CDH13: variants seen among roughly 807,000 people sequenced by gnomAD.
The protein encoded by CDH13 is cadherin-13.
Under a neutral mutation model 63.8 loss-of-function variants are expected in CDH13, and 24 were observed. The observed-to-expected ratio is 0.38, with a 90% CI of 0.27 to 0.53. The LOEUF (loss-of-function observed/expected upper bound fraction) is 0.53, where lower values mean the gene tolerates loss of function less well. Among genes scored for constraint, CDH13 ranks in the 20% least tolerant of loss-of-function variants. The probability of loss-of-function intolerance (pLI) is 0.85; values close to 1 mark genes in which losing one functional copy is unlikely to be tolerated. For synonymous variants in CDH13, 503 were observed against 355.3 expected, an observed-to-expected ratio of 1.42 and a Z score of -4.67; for missense variants, 1,049 against 903.1, an observed-to-expected ratio of 1.16 and a Z score of -2.07.
chr16:82,790,749 G>A (rs2036259631), intron 1 of CDH13, among the ~76,000 whole-genome samples: 1 of 152,164 alleles, frequency 6.6e-6, no homozygotes, highest in South Asian at 2.1e-4. Flanking sequence ...CCAGGCAGCA[G>A]GAAGGAGAGT....
chr16:83,401,596 A>G (rs1225514219), intron 6 of CDH13, among the ~76,000 whole-genome samples: 5 of 152,270 alleles, frequency 3.3e-5, no homozygotes, highest in Middle Eastern at 3.4e-3. Flanking sequence ...TACAAATTAT[A>G]TACTTTAAAC....
chr16:83,373,578 C>T (rs2151403342), intron 6 of CDH13, among the ~76,000 whole-genome samples: 1 of 152,178 alleles, frequency 6.6e-6, no homozygotes. Context: ...CTGGAAAGGC[C>T]ACCATGATAC....
intron 4 of CDH13, among the ~76,000 whole-genome samples, chr16:83,139,132 G>T (rs1396373086): frequency 6.6e-6 from 1 of 152,180 alleles, no homozygotes; most frequent in Non-Finnish European, 1.5e-5. Context: ...TCTTCCCAGA[G>T]GTGACAGATC....
intron 4 of CDH13, among the ~76,000 whole-genome samples, chr16:83,177,730 G>C (rs929132733): frequency 2.0e-5 from 3 of 152,158 alleles, no homozygotes; most frequent in African/African-American, 7.2e-5. Context: ...ATTTAAATAC[G>C]TGGTCAAGTA....
At chr16:83,209,483 C>T (rs938925035) in intron 4 of CDH13, among the ~76,000 whole-genome samples, 4 of 152,050 alleles carry the variant, frequency 2.6e-5, no homozygotes, top group African/African-American at 9.7e-5. Context: ...AAATAAAGGT[C>T]TGAAAATGTG....
intron 1 of CDH13, among the ~76,000 whole-genome samples, chr16:82,633,167 C>T (rs1908227245): frequency 1.3e-5 from 2 of 152,300 alleles, no homozygotes; most frequent in South Asian, 4.1e-4. Flanking sequence ...GGAACCCCTG[C>T]TCTACGTAGT....
At chr16:83,207,128 A>G (rs1208428831) in intron 4 of CDH13, among the ~76,000 whole-genome samples, 1 of 152,232 alleles carries the variant, frequency 6.6e-6, no homozygotes, top group Non-Finnish European at 1.5e-5. Context: ...GGTAAAATGT[A>G]CATGGCAGTG....
chr16:83,501,962 C>T (rs2074293469), intron 7 of CDH13, among the ~76,000 whole-genome samples: 1 of 152,168 alleles, frequency 6.6e-6, no homozygotes, highest in South Asian at 2.1e-4. Flanking sequence ...CTTAGGAATT[C>T]ACAAATGTGA....
rs371706206 is a variant in CDH13 at position 83,126,346 on chromosome 16, C to G, written c.483+845C>G. On this transcript the variant is annotated intron_variant, in intron 4 of 13. Transcript: ENST00000567109. ...ATTGGCTGGAGTTGGATTGCACAAT[C>G]TAAGCTGACCTGATTGGCTACTGTT... 1.9e-3 allele frequency among the ~76,000 whole-genome samples: 282 copies of G among 152,278 alleles called. 2 individuals carry two copies. Among genetic ancestry groups the G allele is most frequent in the African/African-American group, 6.6e-3 (273 of 41,538 alleles).
chr16:83,344,292 C>T (rs556225592), intron 5 of CDH13, among the ~76,000 whole-genome samples: 1 of 152,168 alleles, frequency 6.6e-6, no homozygotes, highest in East Asian at 1.9e-4. Flanking sequence ...GGAAGTGATT[C>T]ATGGTGTTGT....
At chr16:83,161,729 C>G (rs1490560846) in intron 4 of CDH13, among the ~76,000 whole-genome samples, 3 of 152,122 alleles carry the variant, frequency 2.0e-5, no homozygotes, top group African/African-American at 7.2e-5. Context: ...TTGTCTTACC[C>G]ATCCGTCTCT....
intron 6 of CDH13, among the ~76,000 whole-genome samples, chr16:83,380,746 G>C (rs1260675113): frequency 1.3e-5 from 2 of 151,618 alleles, no homozygotes; most frequent in African/African-American, 4.8e-5. Flanking sequence ...TCTGCTTACA[G>C]CTCATGGGCC....
intron 7 of CDH13, among the ~76,000 whole-genome samples, chr16:83,528,470 C>A (rs1173392770): frequency 6.6e-6 from 1 of 152,128 alleles, no homozygotes; most frequent in Non-Finnish European, 1.5e-5. Flanking sequence ...ACATCAACTC[C>A]CATGAGGCTC....
At chr16:83,495,731 A>T (rs994371901) in intron 7 of CDH13, among the ~76,000 whole-genome samples, 2 of 152,248 alleles carry the variant, frequency 1.3e-5, no homozygotes, top group Non-Finnish European at 2.9e-5. Context: ...ATGTAGGGTT[A>T]AATGAAAGCC....
intron 1 of CDH13, among the ~76,000 whole-genome samples, chr16:82,829,923 C>G (rs575492652): frequency 6.6e-6 from 1 of 152,170 alleles, no homozygotes; most frequent in African/African-American, 2.4e-5. Context: ...TCAGATGGTA[C>G]TTCCATAACA....
intron 2 of CDH13, among the ~76,000 whole-genome samples, chr16:82,865,573 T>A (rs1412690888): frequency 2.0e-5 from 3 of 152,160 alleles, no homozygotes; most frequent in Non-Finnish European, 4.4e-5. Flanking sequence ...GGGCTCCAAG[T>A]CCTGAGACGG....
At chr16:82,646,653 G>A (rs1910130103) in intron 1 of CDH13, among the ~76,000 whole-genome samples, 1 of 152,158 alleles carries the variant, frequency 6.6e-6, no homozygotes, top group African/African-American at 2.4e-5. Context: ...TGTGAGCGAT[G>A]CTTTCATTCA....
intron 1 of CDH13, among the ~76,000 whole-genome samples, chr16:82,758,634 T>A (rs2034714597): frequency 6.6e-6 from 1 of 152,144 alleles, no homozygotes; most frequent in Admixed American, 6.5e-5. Context: ...CGGCACAGAA[T>A]ATGGCCGCCT....
intron 4 of CDH13, among the ~76,000 whole-genome samples, chr16:83,136,486 C>CAAAA (rs542700844): frequency 3.3e-5 from 2 of 61,482 alleles, no homozygotes; most frequent in African/African-American, 5.5e-5. Flanking sequence ...ACTCTGTCTC[C>CAAAA]AAAAAAAAAA....
Sources: gnomAD v4.1 joint callset for allele counts (sites outside exome capture counted in the v4.1 genomes callset) on GRCh38, gnomAD v4.1.1 for gene constraint, MANE v1.5 for transcripts, NCBI Gene and HGNC (gene_info 2026-07-23, HGNC 2026-07-21) for gene names.